Variants in RGL1 observed in about 807,000 individuals in gnomAD.
RGL1 encodes ral guanine nucleotide dissociation stimulator-like 1.
Under a neutral mutation model 95.2 loss-of-function variants are expected in RGL1, and 24 were observed. That is an observed-to-expected ratio of 0.25 (90% CI 0.18 to 0.35). The LOEUF is 0.35. Ranked by LOEUF, RGL1 falls within the 10% of genes least tolerant of loss-of-function variation. The probability of loss-of-function intolerance (pLI) is 1.00; values close to 1 mark genes in which losing one functional copy is unlikely to be tolerated. For synonymous variants in RGL1, 329 were observed against 344.9 expected (o/e 0.95, Z 0.51); for missense variants, 715 against 936.3 (o/e 0.76, Z 3.08).
At chr1:183,838,192 A>G (rs1334736060) in intron 2 of RGL1, among the ~76,000 whole-genome samples, 1 of 152,246 alleles carries the variant, frequency 6.6e-6, no homozygotes, top group African/African-American at 2.4e-5. Flanking sequence ...AAACTTTGGA[A>G]TCCTTAAAGG....
chr1:183,869,150 C>T (rs2102602803), intron 4 of RGL1, among the ~76,000 whole-genome samples: 1 of 152,204 alleles, frequency 6.6e-6, no homozygotes, highest in African/African-American at 2.4e-5. Flanking sequence ...TAAAAAAATC[C>T]AGAGCTTCTC....
intron 2 of RGL1, among the ~76,000 whole-genome samples, chr1:183,793,885 A>G (rs1466393951): frequency 6.6e-6 from 1 of 152,154 alleles, no homozygotes; most frequent in African/African-American, 2.4e-5. Flanking sequence ...CGATCCAGCA[A>G]TGTCACTACT....
Position 183,926,407 on chromosome 1 carries a change from T to C in RGL1, c.*115T>C, listed in dbSNP as rs1669619670. 11 of 823,610 alleles carry C rather than the reference T, an allele frequency of 1.3e-5. No individual in the cohort carries two copies. The highest frequency in any genetic ancestry group is 5.7e-5 in the South Asian group (3 of 52,538). The allele number at this position is 823,610 out of a possible 1,614,324, so 51.0% of individuals were successfully genotyped here. The stretch of plus-strand genomic sequence containing the variant: ...GGATCATTGGTGAAGTCAGCAGATA[T>C]TTATTGAGTTCCTGTGGTGTGCAAA... On this transcript the variant is annotated 3_prime_UTR_variant, in exon 18 of 18. Coordinates refer to ENST00000360851, the MANE Select transcript of RGL1 (RefSeq NM_001297671.3).
chr1:183,647,615 G>T, intron 1 of RGL1: 2 of 1,503,722 alleles, frequency 1.3e-6, no homozygotes, highest in Non-Finnish European at 1.8e-6. Flanking sequence ...AAAGTTTCCA[G>T]ATTTTTATTG....
rs189240172 is a variant in RGL1, at chr1:183,736,249, G to C, written c.-32-5877G>C. ...CACCGAAATCACCTTTCACTGTTTT[G>C]TTTAGTAGTTTGGAGCCTTCAGTTC... On this transcript the variant is annotated intron_variant, in intron 1 of 18. Coordinates refer to the RGL1 transcript ENST00000304685. 1.9e-3 allele frequency among the ~76,000 whole-genome samples: 296 copies of C among 152,320 alleles called. 5 individuals are homozygous for C. The highest frequency in any genetic ancestry group is 0.016 in the Admixed American group (242 of 15,292).
intron 2 of RGL1, among the ~76,000 whole-genome samples, chr1:183,791,605 G>C (rs907470271): frequency 6.6e-6 from 1 of 152,204 alleles, no homozygotes; most frequent in Non-Finnish European, 1.5e-5. Flanking sequence ...TTATTGAAGA[G>C]TGTCATAGAA....
intron 15 of RGL1, among the ~76,000 whole-genome samples, chr1:183,915,664 A>T (rs1668916409): frequency 6.6e-6 from 1 of 152,250 alleles, no homozygotes; most frequent in Non-Finnish European, 1.5e-5. Context: ...TTCACAAGAC[A>T]GTTGTGGAAT....
Position 183,922,291 on chromosome 1 carries a change from C to G in RGL1, c.2074C>G (p.Pro692Ala). Residue 692 changes from proline (P) to alanine (A), a missense_variant, in exon 17 of 18, where the codon CCC becomes GCC. Transcript: ENST00000360851. The part of the protein sequence containing the change: ...AMLKHNLDSD[P>A]AEEYELVQVI... Reference sequence around the variant, plus strand: ...GCTGAAGCACAATCTGGACTCAGACCCCGCCGAGGAGTACGAGCTGGTGCA... The same window carrying G: ...GCTGAAGCACAATCTGGACTCAGACGCCGCCGAGGAGTACGAGCTGGTGCA... 2.5e-6 allele frequency: 4 copies of G among 1,614,014 alleles called. No homozygotes were observed. The highest frequency in any genetic ancestry group is 3.4e-6 in the Non-Finnish European group (4 of 1,179,988).
At chr1:183,883,599 T>C (rs1283695944) in intron 5 of RGL1, among the ~76,000 whole-genome samples, 187 bp from the exon 6 acceptor site, 1 of 152,148 alleles carries the variant, frequency 6.6e-6, no homozygotes, top group Non-Finnish European at 1.5e-5. Context: ...TAATAGAGAA[T>C]CTAAGAACAA....
At chr1:183,750,407 T>C (rs561114530) in intron 2 of RGL1, among the ~76,000 whole-genome samples, 119 of 152,380 alleles carry the variant, frequency 7.8e-4, no homozygotes, top group Middle Eastern at 3.4e-3. Context: ...TTTTCAGCTC[T>C]ATCAGGTCAT....
intron 2 of RGL1, among the ~76,000 whole-genome samples, chr1:183,758,204 T>TG (rs1305445509): frequency 7.9e-5 from 12 of 151,780 alleles, no homozygotes; most frequent in African/African-American, 2.9e-4. Flanking sequence ...TAGAATTTTT[T>TG]TTTTTTTTTT....
At chr1:183,643,148 T>C (rs957421049) in intron 1 of RGL1, among the ~76,000 whole-genome samples, 2 of 152,244 alleles carry the variant, frequency 1.3e-5, no homozygotes, top group African/African-American at 4.8e-5. Flanking sequence ...ATATACCACA[T>C]TGTGGGTATC....
At chr1:183,704,400 G>T (rs1157978581) in intron 1 of RGL1, among the ~76,000 whole-genome samples, 1 of 152,168 alleles carries the variant, frequency 6.6e-6, no homozygotes, top group Non-Finnish European at 1.5e-5. Flanking sequence ...GAGAGCTTGA[G>T]TGAGGGCAAT....
At chr1:183,694,834 A>G (rs760321161) in intron 1 of RGL1, among the ~76,000 whole-genome samples, 18 of 152,238 alleles carry the variant, frequency 1.2e-4, no homozygotes, top group Non-Finnish European at 2.1e-4. Context: ...TCATATGGAA[A>G]GCCAAGAAAT....
intron 1 of RGL1, among the ~76,000 whole-genome samples, chr1:183,712,199 C>A (rs1303736154): frequency 6.6e-6 from 1 of 152,174 alleles, no homozygotes; most frequent in African/African-American, 2.4e-5. Flanking sequence ...AGATGTTGCA[C>A]AGAACTAGTT....
At chr1:183,874,112 A>G (rs891119713) in intron 4 of RGL1, among the ~76,000 whole-genome samples, 6 of 152,176 alleles carry the variant, frequency 3.9e-5, no homozygotes, top group Admixed American at 3.9e-4. Context: ...TTTATTGACT[A>G]CTTAGTAGGA....
intron 1 of RGL1, among the ~76,000 whole-genome samples, chr1:183,805,966 CTTTTCTTTTTTTTT>C (rs1661276515): frequency 7.0e-5 from 2 of 28,398 alleles, no homozygotes; most frequent in Non-Finnish European, 1.6e-4. Flanking sequence ...TTTTTCTTTT[CTTTTCTTTTTTTTT>C]TTTTTTTTTT....
chr1:183,858,120 C>G (rs187843810), intron 3 of RGL1, among the ~76,000 whole-genome samples: 131 of 151,458 alleles, frequency 8.6e-4, no homozygotes, highest in African/African-American at 3.1e-3. Context: ...TTAAAGTGTG[C>G]TTAACATTTG....
chr1:183,799,489 A>G (rs972610713), intron 2 of RGL1, among the ~76,000 whole-genome samples: 2 of 152,114 alleles, frequency 1.3e-5, no homozygotes, highest in Admixed American at 6.5e-5. Flanking sequence ...TTTTTTGATA[A>G]TGGCCATCCC....
Sources: gnomAD v4.1 joint callset for allele counts (sites outside exome capture counted in the v4.1 genomes callset) on GRCh38, gnomAD v4.1.1 for gene constraint, MANE v1.5 for transcripts, NCBI Gene and HGNC (gene_info 2026-07-23, HGNC 2026-07-21) for gene names.